Variants in RAD52 observed in about 807,000 individuals in gnomAD.
RAD52 encodes RAD52 DNA repair protein.
In RAD52, 47 loss-of-function variants were observed where a neutral mutation model predicts 55.5. That is an observed-to-expected ratio of 0.85 (90% CI 0.67 to 1.08). RAD52 has a LOEUF of 1.08. Ranked by LOEUF, RAD52 falls within the 50% of genes least tolerant of loss-of-function variation. RAD52 has a pLI of 0.00. For synonymous variants in RAD52, 184 were observed against 198.9 expected (o/e 0.92, Z 0.63); for missense variants, 468 against 522.8 (o/e 0.90, Z 1.02).
rs11571413 is a variant in RAD52 at position 930,771 on chromosome 12, A to G, written c.186+449T>C. Among the ~76,000 whole-genome samples, 829 of 152,108 alleles carry G rather than the reference A, an allele frequency of 5.5e-3. 15 individuals carry two copies. Among genetic ancestry groups the G allele is most frequent in the East Asian group, 0.023 (117 of 5,162 alleles). The stretch of plus-strand genomic sequence containing the variant: ...CACTTGAGCCCAGCAGTTCGAGATC[A>G]GCCTGGGCAACATGGCGAGATGTCG... On this transcript the variant is annotated intron_variant, in intron 3 of 11. Transcript: ENST00000358495.
intron 1 of RAD52, among the ~76,000 whole-genome samples, chr12:983,174 C>T (rs962691539): frequency 6.6e-6 from 1 of 152,102 alleles, no homozygotes; most frequent in South Asian, 2.1e-4. Flanking sequence ...CCAGCACGCA[C>T]CTCAAAACTC....
chr12:928,143 AC>A (rs1353748762), intron 5 of RAD52, among the ~76,000 whole-genome samples: 2 of 152,172 alleles, frequency 1.3e-5, no homozygotes, highest in East Asian at 3.8e-4. Flanking sequence ...TCAGCTACTC[AC>A]TCATAGATAC....
chr12:922,338 TTAAAAATAGGATTAC>T (rs1222455167), intron 7 of RAD52, among the ~76,000 whole-genome samples: 4 of 151,134 alleles, frequency 2.6e-5, no homozygotes, highest in Non-Finnish European at 5.9e-5. Context: ...CCTCGAAAAA[TTAAAAATAGGATTAC>T]CATGACCCAG....
At chr12:990,832 C>T (rs981335223), upstream of RAD52, among the ~76,000 whole-genome samples, 2 of 151,992 alleles carry the variant, frequency 1.3e-5, no homozygotes, top group East Asian at 3.9e-4. Context: ...AGCGGCTCCT[C>T]GGGCTTCCAG....
At chr12:985,101 G>A (rs562163078) in intron 1 of RAD52, among the ~76,000 whole-genome samples, 2 of 152,278 alleles carry the variant, frequency 1.3e-5, no homozygotes, top group South Asian at 4.2e-4. Context: ...GAGCCACCAT[G>A]CCTGGCCAAT....
chr12:986,919 C>T (rs528872697), intron 1 of RAD52, among the ~76,000 whole-genome samples: 3 of 151,984 alleles, frequency 2.0e-5, no homozygotes, highest in African/African-American at 4.8e-5. Context: ...TGTCAGATAC[C>T]CTGATTTCTC....
At chr12:983,410 ATTTT>A (rs58498697) in intron 1 of RAD52, among the ~76,000 whole-genome samples, 212 of 121,530 alleles carry the variant, frequency 1.7e-3, no homozygotes, top group African/African-American at 6.5e-3. Flanking sequence ...TTTCCTGAAG[ATTTT>A]TTTTTTTTTT....
At chr12:979,971 T>C (rs1010545854) in intron 1 of RAD52, among the ~76,000 whole-genome samples, 4 of 151,920 alleles carry the variant, frequency 2.6e-5, no homozygotes, top group African/African-American at 9.7e-5. Context: ...GGCATGAACC[T>C]GGGAGGCAGA....
At chr12:946,680 A>C (rs955902852) in intron 1 of RAD52, among the ~76,000 whole-genome samples, 1 of 152,206 alleles carries the variant, frequency 6.6e-6, no homozygotes. Flanking sequence ...ACAAAAATAC[A>C]AAAAAACATG....
intron 5 of RAD52, among the ~76,000 whole-genome samples, chr12:928,065 ATT>A (rs1259214809): frequency 6.6e-6 from 1 of 152,184 alleles, no homozygotes; most frequent in Non-Finnish European, 1.5e-5. Flanking sequence ...GCGCTCTGTG[ATT>A]TTTAAAAAAT....
chr12:950,618 G>A (rs975691832), upstream of RAD52, among the ~76,000 whole-genome samples: 15 of 149,894 alleles, frequency 1.0e-4, no homozygotes, highest in Admixed American at 6.7e-4. Context: ...TTGCTATGTT[G>A]CCCAGGCTGG....
At chr12:919,377 C>CAG (rs1956585733) in intron 7 of RAD52, among the ~76,000 whole-genome samples, 1 of 152,024 alleles carries the variant, frequency 6.6e-6, no homozygotes, top group African/African-American at 2.4e-5. Context: ...ACCCACGAGG[C>CAG]AGAGGTTGCA....
At chr12:914,634 G>T in intron 9 of RAD52, 102 bp from the exon 10 acceptor site, 5 of 1,388,558 alleles carry the variant, frequency 3.6e-6, no homozygotes, top group Non-Finnish European at 4.0e-6. Flanking sequence ...AACACTCTCC[G>T]AAGCACAACA....
chr12:919,607 T>A (rs887681669), intron 7 of RAD52, among the ~76,000 whole-genome samples: 45 of 148,996 alleles, frequency 3.0e-4, no homozygotes, highest in African/African-American at 1.0e-3. Context: ...AAACATTAGT[T>A]GGGTGTGGTG....
intron 1 of RAD52, among the ~76,000 whole-genome samples, chr12:980,914 C>T (rs979247356): frequency 7.2e-5 from 11 of 152,088 alleles, no homozygotes; most frequent in African/African-American, 2.7e-4. Context: ...ATATTCTGTC[C>T]TCTGGACCCC....
intron 9 of RAD52, 79 bp from the exon 10 acceptor site, chr12:914,611 T>A (rs960934158): frequency 6.4e-7 from 1 of 1,552,934 alleles, no homozygotes; most frequent in Non-Finnish European, 8.8e-7. Flanking sequence ...TCCACTCCCC[T>A]CTTGTTAGAG....
intron 9 of RAD52, among the ~76,000 whole-genome samples, chr12:915,375 G>C (rs73025498): frequency 6.6e-6 from 1 of 152,212 alleles, no homozygotes; most frequent in Non-Finnish European, 1.5e-5. Flanking sequence ...CAGCCTGTCG[G>C]TGCTGAGGGG....
chr12:914,659 G>T, intron 9 of RAD52, 127 bp from the exon 10 acceptor site: 1 of 1,098,148 alleles, frequency 9.1e-7, no homozygotes, highest in Non-Finnish European at 1.3e-6. Context: ...TTAGGGCTGC[G>T]CTGCTTCTGC....
intron 7 of RAD52, among the ~76,000 whole-genome samples, chr12:920,489 A>G (rs1395769864): frequency 2.6e-5 from 4 of 151,472 alleles, no homozygotes; most frequent in Non-Finnish European, 4.4e-5. Context: ...CCCAGGAGGC[A>G]GAGCCTGCAG....
Sources: allele counts gnomAD v4.1 joint callset (sites outside exome capture counted in the v4.1 genomes callset), GRCh38; gene constraint gnomAD v4.1.1; transcripts MANE v1.5; gene names NCBI Gene and HGNC (gene_info 2026-07-23, HGNC 2026-07-21).